The following DENND1B variants were observed in gnomAD, a reference collection of about 807,000 sequenced individuals.
The protein encoded by DENND1B is DENN domain containing 1B, also known as DENN domain-containing protein 1B.
In DENND1B, 59 loss-of-function variants were observed where a neutral mutation model predicts 90.1. The observed-to-expected ratio is 0.65, with a 90% CI of 0.53 to 0.81. The LOEUF (loss-of-function observed/expected upper bound fraction) is 0.81, where lower values mean the gene tolerates loss of function less well. Ranked by LOEUF, DENND1B falls within the 40% of genes least tolerant of loss-of-function variation. DENND1B has a pLI of 0.00. For missense variants in DENND1B, 862 were observed against 912.6 expected, an observed-to-expected ratio of 0.94 and a Z score of 0.71; for synonymous variants, 337 against 324.6, an observed-to-expected ratio of 1.04 and a Z score of -0.41.
chr1:197,664,026 CACAG>C (rs1654690944), intron 5 of DENND1B, among the ~76,000 whole-genome samples: 1 of 151,690 alleles, frequency 6.6e-6, no homozygotes, highest in African/African-American at 2.4e-5. Context: ...CACACACACA[CACAG>C]AGAGAGAGAT....
At chr1:197,682,461 T>C (rs1656789649) in intron 3 of DENND1B, among the ~76,000 whole-genome samples, 1 of 152,166 alleles carries the variant, frequency 6.6e-6, no homozygotes, top group African/African-American at 2.4e-5. Flanking sequence ...CAATGTGAAA[T>C]TATACAAATA....
chr1:197,695,852 G>A (rs934374951), intron 3 of DENND1B, among the ~76,000 whole-genome samples: 1 of 151,088 alleles, frequency 6.6e-6, no homozygotes, highest in Non-Finnish European at 1.5e-5. Flanking sequence ...TCTTTATGAT[G>A]ATGCAAGAAG....
intron 2 of DENND1B, among the ~76,000 whole-genome samples, chr1:197,770,713 AAT>A (rs1242636212): frequency 7.0e-6 from 1 of 142,272 alleles, no homozygotes; most frequent in Non-Finnish European, 1.5e-5. Context: ...TAAATATATA[AAT>A]ATATATCTAT....
At chr1:197,631,738 T>C (rs1247640624) in intron 10 of DENND1B, among the ~76,000 whole-genome samples, 2 of 151,784 alleles carry the variant, frequency 1.3e-5, no homozygotes, top group African/African-American at 2.4e-5. Context: ...ATTTTAATGT[T>C]AAAATTACTA....
At chr1:197,721,720 A>G (rs1661199680) in intron 2 of DENND1B, among the ~76,000 whole-genome samples, 1 of 152,118 alleles carries the variant, frequency 6.6e-6, no homozygotes, top group African/African-American at 2.4e-5. Context: ...GACAACAAAT[A>G]TATCTTCATA....
rs138968337 is a variant in DENND1B, at chr1:197,603,813, C to T, written c.921+3260G>A. Among the ~76,000 whole-genome samples, 897 of 151,120 alleles carry T rather than the reference C, an allele frequency of 5.9e-3. 13 individuals are homozygous for T. Among genetic ancestry groups the T allele is most frequent in the African/African-American group, 0.02 (839 of 41,362 alleles). ...CAGAAATATATTTTAAATTATTATG[C>T]AATTAAAACTAAATTCTATATAGAT... On this transcript the variant is annotated intron_variant, in intron 13 of 22. Coordinates refer to ENST00000620048, the MANE Select transcript of DENND1B (RefSeq NM_001195215.2).
intron 20 of DENND1B, among the ~76,000 whole-genome samples, chr1:197,527,131 C>T (rs1041621165): frequency 6.6e-6 from 1 of 151,998 alleles, no homozygotes; most frequent in African/African-American, 2.4e-5. Flanking sequence ...CTCAAAAGAT[C>T]AATTTATAAA....
At chr1:197,642,620 C>G in intron 10 of DENND1B, 91 bp downstream of exon 10, 1 of 799,198 alleles carries the variant, frequency 1.3e-6, no homozygotes. Context: ...CTTATAAGTA[C>G]ACATAGCACA....
intron 7 of DENND1B, among the ~76,000 whole-genome samples, chr1:197,651,131 A>G (rs1389537798): frequency 6.6e-6 from 1 of 152,094 alleles, no homozygotes; most frequent in Non-Finnish European, 1.5e-5. Context: ...ATATACTTTG[A>G]GTTAGCTTTC....
chr1:197,595,052 T>C (rs752510707), intron 14 of DENND1B, among the ~76,000 whole-genome samples, 156 bp downstream of exon 14: 4 of 152,212 alleles, frequency 2.6e-5, no homozygotes, highest in South Asian at 4.1e-4. Flanking sequence ...AAATTGGAGA[T>C]GAAATGTATG....
intron 2 of DENND1B, among the ~76,000 whole-genome samples, chr1:197,726,156 C>T (rs1338139881): frequency 6.6e-6 from 1 of 151,932 alleles, no homozygotes; most frequent in Non-Finnish European, 1.5e-5. Context: ...ATGGCAAGGG[C>T]AATAAGGGTC....
intron 2 of DENND1B, chr1:197,736,168 G>T: frequency 1.8e-6 from 1 of 565,080 alleles, no homozygotes; most frequent in Admixed American, 2.8e-5. Context: ...AGAAAATATA[G>T]GTTGGAATAC....
chr1:197,672,038 T>C lies in DENND1B; in HGVS notation c.295A>G (p.Ser99Gly). The change falls in exon 5 of 23, where the codon AGT (serine) becomes GGT (glycine). Residue 99 changes from serine to glycine, a missense_variant and splice_region_variant. Coordinates refer to ENST00000620048, the MANE Select transcript of DENND1B (RefSeq NM_001195215.2). The part of the protein sequence containing the change: ...SGGTICLCIL[S>G]YLPWFEVYYK... ...ATTTTTTTTACTACAAATACTCACC[T>C]AAGGATGCATAAACAAATTGTGCCT... is the stretch of plus-strand genomic sequence containing the variant. 1 of 1,611,814 alleles carries C rather than the reference T, an allele frequency of 6.2e-7. No homozygotes were observed.
intron 20 of DENND1B, among the ~76,000 whole-genome samples, chr1:197,513,752 G>A (rs74683881): frequency 2.1e-4 from 32 of 151,492 alleles, no homozygotes; most frequent in African/African-American, 7.7e-4. Flanking sequence ...CTTTGGACCA[G>A]AATCCCAACA....
At chr1:197,747,118 T>G in intron 2 of DENND1B, 1 of 765,880 alleles carries the variant, frequency 1.3e-6, no homozygotes. Flanking sequence ...TTCTTTTTCA[T>G]TCCTCAATTT....
intron 2 of DENND1B, among the ~76,000 whole-genome samples, chr1:197,725,029 T>C (rs1175184685): frequency 6.6e-6 from 1 of 152,016 alleles, no homozygotes; most frequent in African/African-American, 2.4e-5. Flanking sequence ...AGACTGTGTA[T>C]AATGGAAGAG....
intron 16 of DENND1B, among the ~76,000 whole-genome samples, chr1:197,551,028 G>A (rs1451003359): frequency 6.6e-6 from 1 of 151,294 alleles, no homozygotes; most frequent in South Asian, 2.1e-4. Context: ...TCTCACAAGG[G>A]TAATGTGAAT....
intron 12 of DENND1B, 92 bp from the exon 13 acceptor site, chr1:197,607,266 A>G: frequency 1.2e-6 from 1 of 814,316 alleles, no homozygotes; most frequent in Non-Finnish European, 1.8e-6. Flanking sequence ...ATCTTAATGC[A>G]TTAGGCTTGG....
At chr1:197,553,180 AT>A in intron 15 of DENND1B, 68 bp from the exon 16 acceptor site, 2 of 1,297,396 alleles carry the variant, frequency 1.5e-6, no homozygotes, top group Non-Finnish European at 1.0e-6. Context: ...TTAATTTTTC[AT>A]TTTATAAGGT....
Sources: allele counts gnomAD v4.1 joint callset (sites outside exome capture counted in the v4.1 genomes callset), GRCh38; gene constraint gnomAD v4.1.1; transcripts MANE v1.5; gene names NCBI Gene and HGNC (gene_info 2026-07-23, HGNC 2026-07-21).